LGR5: variants seen among roughly 807,000 people sequenced by gnomAD.
LGR5 encodes the protein leucine rich repeat containing G protein-coupled receptor 5.
A neutral mutation model predicts 76.7 loss-of-function variants in LGR5; 54 were observed. The observed-to-expected ratio is 0.70, with a 90% CI of 0.57 to 0.88. The LOEUF (loss-of-function observed/expected upper bound fraction) is 0.88, where lower values mean the gene tolerates loss of function less well. Among genes scored for constraint, LGR5 ranks in the 40% least tolerant of loss-of-function variants. The pLI, the probability that LGR5 is intolerant of heterozygous loss-of-function variation, is 0.00. For missense variants in LGR5, 1,078 were observed against 1,073.3 expected (o/e 1.00, Z -0.06); for synonymous variants, 406 against 421.9 (o/e 0.96, Z 0.46).
chr12:71,469,457 T>C lies in LGR5; in HGVS notation c.212+29165T>C, dbSNP rs77736435. Among the ~76,000 whole-genome samples the C allele has an allele frequency of 6.5e-3, 985 of 152,316 alleles. 7 individuals carry two copies. Among genetic ancestry groups the C allele is most frequent in the Admixed American group, 0.012 (187 of 15,302 alleles). On this transcript the variant is annotated intron_variant, in intron 1 of 17. Transcript: ENST00000266674. ...GGGCCTGTCACTCCAATTGCCTGCC[T>C]CCGCGTGGGCGCTGGGAGTGGGAAT...
intron 1 of LGR5, chr12:71,448,633 A>G (rs1243660963): frequency 6.7e-6 from 1 of 149,914 alleles, no homozygotes; most frequent in Non-Finnish European, 1.5e-5. Context: ...CGCACAAAAT[A>G]CAACCTTTCA....
At chr12:71,537,500 A>T (rs2137372913) in intron 4 of LGR5, among the ~76,000 whole-genome samples, 1 of 152,150 alleles carries the variant, frequency 6.6e-6, no homozygotes, top group East Asian at 1.9e-4. Flanking sequence ...AAGAAAAAAG[A>T]AAAGAGCATG....
intron 11 of LGR5, chr12:71,567,462 T>A (rs979766194): frequency 2.6e-5 from 4 of 155,700 alleles, no homozygotes; most frequent in African/African-American, 9.6e-5. Flanking sequence ...GTAGTTTACA[T>A]GGATTCAAGG....
chr12:71,556,667 T>C lies in LGR5; in HGVS notation c.693T>C (p.Asp231=). 6.2e-7 allele frequency: 1 copy of C among 1,612,080 alleles called. No individual in the cohort carries two copies. Among genetic ancestry groups the C allele is most frequent in the Admixed American group, 1.7e-5 (1 of 60,020 alleles). The change falls in exon 6 of 18, where the codon GAT becomes GAC. Residue 231 remains aspartate, a synonymous_variant. Transcript: ENST00000266674. Reference sequence around the variant, plus strand: ...ACTCCCTGGGAAAGAAATGCTTTGATGGGCTCCACAGCCTAGAGACTTTGT... The same window carrying C: ...ACTCCCTGGGAAAGAAATGCTTTGACGGGCTCCACAGCCTAGAGACTTTGT... ...RIHSLGKKCF[D]GLHSLETLDL... is the part of the protein sequence containing the mutation.
At position 71,561,856 on chromosome 12, in the gene LGR5, A is replaced by AGTGACCAT; in HGVS notation, c.857+5_857+12dup. 1 of 1,560,322 alleles carries AGTGACCAT rather than the reference A, an allele frequency of 6.4e-7. No homozygotes were observed. Among genetic ancestry groups the AGTGACCAT allele is most frequent in the East Asian group, 2.2e-5 (1 of 44,512 alleles). ...GCAACCCTTCTCTTATTACAATGTA[A>AGTGACCAT]GTGACCATAATGCTTTTCGGTTTCT... is the stretch of plus-strand genomic sequence containing the variant. On this transcript the variant is annotated splice_donor_region_variant and intron_variant, in intron 8 of 17. Transcript: ENST00000266674.
intron 13 of LGR5, among the ~76,000 whole-genome samples, chr12:71,574,471 A>G (rs1279202449): frequency 6.6e-6 from 1 of 151,964 alleles, no homozygotes; most frequent in Non-Finnish European, 1.5e-5. Flanking sequence ...CCACTCCTCT[A>G]CCGCAGGCCC....
chr12:71,557,471 G>T (rs1877827962), intron 6 of LGR5, among the ~76,000 whole-genome samples: 1 of 152,152 alleles, frequency 6.6e-6, no homozygotes, highest in Admixed American at 6.5e-5. Context: ...CTAGTCAGTA[G>T]CAGAACTGAG....
Position 71,561,762 on chromosome 12 carries a change from A to AT in LGR5, c.786-11dup. Reference sequence around the variant, plus strand: ...TTTACCCCACACAGGATTTTTTATAATTTTTTTTCTCTTTCTAGAGGATTT... The same window carrying AT: ...TTTACCCCACACAGGATTTTTTATAATTTTTTTTTCTCTTTCTAGAGGATTT... On this transcript the variant is annotated intron_variant, in intron 7 of 17. Transcript: ENST00000266674. 4.3e-5 allele frequency: 65 copies of AT among 1,525,714 alleles called. No individual in the cohort carries two copies. The highest frequency in any genetic ancestry group is 9.1e-5 in the Admixed American group (5 of 54,720). The allele number at this position is 1,525,714 out of a possible 1,614,324, so 94.5% of individuals were successfully genotyped here.
At chr12:71,578,032 T>C (rs770176099) in intron 14 of LGR5, 36 bp downstream of exon 14, 1 of 1,467,234 alleles carries the variant, frequency 6.8e-7, no homozygotes, top group South Asian at 1.1e-5. Flanking sequence ...GTATGTCTCT[T>C]AATAATTGAG....
rs1236885740 is a variant in LGR5 at position 71,475,941 on chromosome 12, C to A, written c.213-28673C>A. Among the ~76,000 whole-genome samples the A allele has an allele frequency of 5.9e-5, 9 of 152,182 alleles. 1 individual carries two copies. The South Asian group carries it at 1.7e-3, about 28-fold the overall frequency. ...ATACATCCTTTCCTCCTTGGACGAA[C>A]CTTGAGAGTTAGCTTGGAGATTCTA... On this transcript the variant is annotated intron_variant, in intron 1 of 17. Coordinates refer to ENST00000266674, the MANE Select transcript of LGR5 (RefSeq NM_003667.4).
At chr12:71,494,956 A>C (rs1874244637) in intron 1 of LGR5, among the ~76,000 whole-genome samples, 1 of 151,058 alleles carries the variant, frequency 6.6e-6, no homozygotes, top group African/African-American at 2.5e-5. Flanking sequence ...GAAATCTGAG[A>C]GGGACTTAAC....
chr12:71,529,165 G>C (rs988420021), intron 3 of LGR5, among the ~76,000 whole-genome samples: 2 of 152,106 alleles, frequency 1.3e-5, no homozygotes, highest in Non-Finnish European at 2.9e-5. Flanking sequence ...TATATAACAA[G>C]TATGATCTGT....
chr12:71,467,500 CCT>C (rs1372378974), intron 1 of LGR5, among the ~76,000 whole-genome samples: 12 of 152,140 alleles, frequency 7.9e-5, no homozygotes, highest in Admixed American at 7.2e-4. Context: ...GTTGTCATTT[CCT>C]CTGTTTCTGA....
At chr12:71,546,293 A>T (rs1470740516) in intron 4 of LGR5, among the ~76,000 whole-genome samples, 1 of 142,408 alleles carries the variant, frequency 7.0e-6, no homozygotes, top group Non-Finnish European at 1.5e-5. Flanking sequence ...CCAGCCTGGG[A>T]GACAGAGTGA....
intron 11 of LGR5, among the ~76,000 whole-genome samples, chr12:71,569,074 T>C (rs1185755411): frequency 6.6e-6 from 1 of 152,194 alleles, no homozygotes; most frequent in East Asian, 1.9e-4. Context: ...GATTCCCTGT[T>C]TAATAAATGG....
intron 1 of LGR5, among the ~76,000 whole-genome samples, chr12:71,457,919 T>C (rs1233231875): frequency 6.6e-6 from 1 of 152,126 alleles, no homozygotes; most frequent in Non-Finnish European, 1.5e-5. Context: ...TAAGATCAAA[T>C]TGAAAAAGTT....
intron 1 of LGR5, among the ~76,000 whole-genome samples, chr12:71,442,212 G>A (rs1356605498): frequency 6.6e-6 from 1 of 152,102 alleles, no homozygotes; most frequent in Non-Finnish European, 1.5e-5. Context: ...TTAGGCTTCC[G>A]TTACTAAAAG....
At chr12:71,469,481 A>G (rs990143627) in intron 1 of LGR5, among the ~76,000 whole-genome samples, 1 of 152,208 alleles carries the variant, frequency 6.6e-6, no homozygotes, top group Non-Finnish European at 1.5e-5. Context: ...GGGAGTGGGA[A>G]TCAGTGCGGT....
At chr12:71,448,029 T>C (rs1872085619) in intron 1 of LGR5, among the ~76,000 whole-genome samples, 1 of 151,766 alleles carries the variant, frequency 6.6e-6, no homozygotes, top group Admixed American at 6.6e-5. Flanking sequence ...TTCCTCAGTT[T>C]GCAGCCAAAT....
Sources: allele counts gnomAD v4.1 joint callset (sites outside exome capture counted in the v4.1 genomes callset), GRCh38; gene constraint gnomAD v4.1.1; transcripts MANE v1.5; gene names NCBI Gene and HGNC (gene_info 2026-07-23, HGNC 2026-07-21).